The following WWC1 variants were observed in gnomAD, a reference collection of about 807,000 sequenced individuals.
WWC1 encodes the protein protein KIBRA.
WWC1 carries 55 observed loss-of-function variants against 138.4 expected under a neutral mutation model. That is an observed-to-expected ratio of 0.40 (90% confidence interval 0.32 to 0.50). The LOEUF (loss-of-function observed/expected upper bound fraction) is 0.50. Among genes scored for constraint, WWC1 ranks in the 20% least tolerant of loss-of-function variants. The pLI is 0.72. For missense variants in WWC1, 1,226 were observed against 1,420.4 expected, an observed-to-expected ratio of 0.86 and a Z score of 2.20; for synonymous variants, 524 against 564.9, an observed-to-expected ratio of 0.93 and a Z score of 1.03.
At chr5:168,357,881 T>C (rs1446937492) in intron 1 of WWC1, among the ~76,000 whole-genome samples, 2 of 152,226 alleles carry the variant, frequency 1.3e-5, no homozygotes, top group Non-Finnish European at 2.9e-5. Context: ...TCTTTTCCAC[T>C]GTTGTGCAGA....
intron 5 of WWC1, among the ~76,000 whole-genome samples, chr5:168,404,947 A>G (rs1779668149): frequency 6.7e-6 from 1 of 149,518 alleles, no homozygotes; most frequent in African/African-American, 2.5e-5. Context: ...TAGGGCCTGG[A>G]TAAGCCAATA....
chr5:168,337,349 A>AGG (rs144005327), intron 1 of WWC1, among the ~76,000 whole-genome samples: 1 of 152,114 alleles, frequency 6.6e-6, no homozygotes, highest in Admixed American at 6.5e-5. Context: ...CGGTGTAACT[A>AGG]GGAAGGTTTT....
chr5:168,299,430 G>A (rs963221664), intron 1 of WWC1, among the ~76,000 whole-genome samples: 1 of 152,196 alleles, frequency 6.6e-6, no homozygotes, highest in African/African-American at 2.4e-5. Context: ...GAGCTTTGGG[G>A]ATGGGAGAAG....
intron 11 of WWC1, among the ~76,000 whole-genome samples, chr5:168,425,190 A>AC (rs2152854798): frequency 6.6e-6 from 1 of 152,202 alleles, no homozygotes; most frequent in South Asian, 2.1e-4. Context: ...TGGCCCCGGA[A>AC]CCCAACCCCC....
chr5:168,468,979 C>T lies in WWC1; in HGVS notation c.3304C>T (p.Arg1102Trp), dbSNP rs763880728. The T allele has an allele frequency of 1.2e-5, 20 of 1,614,212 alleles. No individual in the cohort carries two copies. Among genetic ancestry groups the T allele is most frequent in the South Asian group, 3.3e-5 (3 of 91,086 alleles). ...REKMAFFTRP[R>W]MNIPALSADD... The stretch of plus-strand genomic sequence containing the variant: ...GAAGATGGCATTTTTCACCCGGCCT[C>T]GGATGAATATCCCAGCTCTCTCTGC... The change falls in exon 23 of 23, where the codon CGG becomes TGG. Residue 1102 changes from arginine to tryptophan, a missense_variant. Physicochemically the swap from Arg to Trp is moderately radical, Grantham distance 101. Coordinates refer to ENST00000265293, the MANE Select transcript of WWC1 (RefSeq NM_015238.3).
chr5:168,465,012 T>A (rs1300218424), intron 21 of WWC1, 50 bp downstream of exon 21: 1 of 1,593,126 alleles, frequency 6.3e-7, no homozygotes, highest in Non-Finnish European at 8.6e-7. Flanking sequence ...CCCCAGAGAG[T>A]CGGGGGGCAC....
chr5:168,414,719 A>G, intron 9 of WWC1, 129 bp downstream of exon 9: 1 of 1,313,116 alleles, frequency 7.6e-7, no homozygotes, highest in Non-Finnish European at 1.0e-6. Flanking sequence ...CAGTTCAGAG[A>G]TCTCTCAGGT....
At chr5:168,347,118 A>AC (rs1342574275) in intron 1 of WWC1, among the ~76,000 whole-genome samples, 1 of 151,834 alleles carries the variant, frequency 6.6e-6, no homozygotes, top group African/African-American at 2.4e-5. Flanking sequence ...CTTGGATGTC[A>AC]CCCCCAGACG....
intron 5 of WWC1, among the ~76,000 whole-genome samples, chr5:168,403,009 T>C (rs1190880644): frequency 2.4e-4 from 9 of 36,946 alleles, no homozygotes; most frequent in African/African-American, 8.9e-4. Flanking sequence ...TGTTTCTTTT[T>C]CTTTCTTTCT....
At chr5:168,397,370 T>C (rs1778980403) in intron 3 of WWC1, among the ~76,000 whole-genome samples, 2 of 152,304 alleles carry the variant, frequency 1.3e-5, no homozygotes, top group Admixed American at 6.5e-5. Context: ...CTTAAACTCC[T>C]GATTTCAGGT....
chr5:168,399,284 A>G (rs1170122711), intron 4 of WWC1, among the ~76,000 whole-genome samples: 1 of 152,192 alleles, frequency 6.6e-6, no homozygotes, highest in East Asian at 1.9e-4. Flanking sequence ...ACTGCCTGGG[A>G]TGCTGACTGA....
At chr5:168,336,233 A>T (rs958802915) in intron 1 of WWC1, among the ~76,000 whole-genome samples, 3 of 152,106 alleles carry the variant, frequency 2.0e-5, no homozygotes, top group Admixed American at 6.5e-5. Flanking sequence ...TTGCTTCTGT[A>T]ATTTTGGGTC....
At chr5:168,455,661 G>C in intron 19 of WWC1, 141 bp downstream of exon 19, 1 of 1,022,034 alleles carries the variant, frequency 9.8e-7, no homozygotes, top group Non-Finnish European at 1.4e-6. Context: ...TTCCTCAGGT[G>C]GAGTTCACGG....
chr5:168,427,467 A>G (rs891713136), intron 11 of WWC1, among the ~76,000 whole-genome samples: 8 of 151,720 alleles, frequency 5.3e-5, no homozygotes, highest in Non-Finnish European at 1.0e-4. Context: ...GAATCCAGGC[A>G]GTTCGACTCA....
At chr5:168,455,991 C>T (rs2152887075) in intron 19 of WWC1, among the ~76,000 whole-genome samples, 1 of 152,264 alleles carries the variant, frequency 6.6e-6, no homozygotes, top group African/African-American at 2.4e-5. Flanking sequence ...GAACCTGCTG[C>T]TAACATTTAA....
At chr5:168,312,374 G>T (rs986543471) in intron 1 of WWC1, among the ~76,000 whole-genome samples, 141 of 152,328 alleles carry the variant, frequency 9.3e-4, no homozygotes, top group Non-Finnish European at 8.7e-4. Context: ...GGCACAGGGG[G>T]ATTGAGTAAT....
intron 1 of WWC1, among the ~76,000 whole-genome samples, chr5:168,339,555 G>A (rs1773796817): frequency 1.3e-5 from 2 of 152,264 alleles, no homozygotes; most frequent in South Asian, 2.1e-4. Flanking sequence ...TGTCACCTTG[G>A]GTGAGTTACT....
rs1304987874 is a variant in WWC1 at position 168,444,601 on chromosome 5, C to G, written c.2525+16C>G. ...AAGACAGCTGGTGAGTGAGCCCGCCCTTGGGCCCCAGGAGCTGCCCTGCCT... is the reference window on the plus strand; with the variant it reads ...AAGACAGCTGGTGAGTGAGCCCGCCGTTGGGCCCCAGGAGCTGCCCTGCCT... On this transcript the variant is annotated intron_variant, in intron 17 of 22. Coordinates refer to ENST00000265293, the MANE Select transcript of WWC1 (RefSeq NM_015238.3). 1 of 1,613,070 alleles carries G rather than the reference C, an allele frequency of 6.2e-7. No individual in the cohort carries two copies. Among genetic ancestry groups the G allele is most frequent in the Non-Finnish European group, 8.5e-7 (1 of 1,179,850 alleles).
chr5:168,458,333 C>A (rs1756511605), intron 19 of WWC1, among the ~76,000 whole-genome samples: 1 of 152,204 alleles, frequency 6.6e-6, no homozygotes. Flanking sequence ...CCAAAGCCTG[C>A]AGCCTCTCTG....
Sources: gnomAD v4.1 joint callset for allele counts (sites outside exome capture counted in the v4.1 genomes callset) on GRCh38, gnomAD v4.1.1 for gene constraint, MANE v1.5 for transcripts, NCBI Gene and HGNC (gene_info 2026-07-23, HGNC 2026-07-21) for gene names.